CPT1C: variants seen among roughly 807,000 people sequenced by gnomAD.
CPT1C encodes the protein carnitine palmitoyltransferase 1C.
CPT1C carries 61 observed loss-of-function variants against 97.3 expected under a neutral mutation model. That is an observed-to-expected ratio of 0.63 (90% CI 0.51 to 0.78). CPT1C has a LOEUF of 0.78. Among genes scored for constraint, CPT1C ranks in the 30% least tolerant of loss-of-function variants. The probability of loss-of-function intolerance (pLI) is 0.00; values close to 1 mark genes in which losing one functional copy is unlikely to be tolerated. For missense variants in CPT1C, 975 were observed against 1,065.5 expected (o/e 0.92, Z 1.18); for synonymous variants, 469 against 447.2 (o/e 1.05, Z -0.61).
chr19:49,700,936 C>A, intron 5 of CPT1C, 81 bp downstream of exon 5: 1 of 1,437,886 alleles, frequency 7.0e-7, no homozygotes, highest in Non-Finnish European at 9.6e-7. Context: ...CTGTCCCCCT[C>A]TCTCTGGGTC....
In CPT1C at chr19:49,701,304, T is replaced by G; in HGVS notation, c.454-13T>G. ...GGTGAGGGGTTAATGACCCGGTAAC[T>G]CCTCCTCCCCAGGCCCTGGTCCGCA... On this transcript the variant is annotated splice_polypyrimidine_tract_variant and intron_variant, in intron 5 of 19. Coordinates refer to ENST00000598293, the MANE Select transcript of CPT1C (RefSeq NM_001199753.2). 6.2e-7 allele frequency: 1 copy of G among 1,607,144 alleles called. No individual in the cohort carries two copies. Among genetic ancestry groups the G allele is most frequent in the Non-Finnish European group, 8.5e-7 (1 of 1,177,006 alleles).
At chr19:49,712,586 T>TAGGGCGTGGTCAGGAGA in intron 17 of CPT1C, 150 bp from the exon 18 acceptor site, 1 of 628,972 alleles carries the variant, frequency 1.6e-6, no homozygotes, top group East Asian at 2.8e-5. Flanking sequence ...CGTGGCCAGA[T>TAGGGCGTGGTCAGGAGA]AGGGCGTGGT....
intron 4 of CPT1C, among the ~76,000 whole-genome samples, chr19:49,699,137 G>C (rs1478877996): frequency 6.6e-6 from 1 of 151,878 alleles, no homozygotes; most frequent in African/African-American, 2.4e-5. Flanking sequence ...CTGTCATATA[G>C]TCAGTAGAGT....
intron 16 of CPT1C, 190 bp downstream of exon 16, chr19:49,711,047 C>T (rs974065458): frequency 1.9e-6 from 1 of 535,520 alleles, no homozygotes; most frequent in African/African-American, 1.9e-5. Context: ...GTGATATCTG[C>T]TTTCATGGTG....
At chr19:49,699,089 A>G (rs1279576672) in intron 4 of CPT1C, among the ~76,000 whole-genome samples, 2 of 151,970 alleles carry the variant, frequency 1.3e-5, no homozygotes, top group African/African-American at 4.8e-5. Context: ...GGCGACAGAG[A>G]GAGACTCCGT....
At chr19:49,711,983 TAG>T (rs760529654) in intron 17 of CPT1C, 22 bp downstream of exon 17, 2 of 1,608,648 alleles carry the variant, frequency 1.2e-6, no homozygotes, top group Non-Finnish European at 1.7e-6. Context: ...GGGAAAGGGT[TAG>T]AGAGGGAAGT....
chr19:49,708,062 G>A (rs1217897695), intron 13 of CPT1C, among the ~76,000 whole-genome samples: 1 of 151,328 alleles, frequency 6.6e-6, no homozygotes, highest in South Asian at 2.1e-4. Context: ...AGAGGCAGAG[G>A]CTGGCCCAGG....
intron 3 of CPT1C, among the ~76,000 whole-genome samples, chr19:49,695,154 CAT>C (rs1222403831): frequency 1.3e-5 from 2 of 151,920 alleles, no homozygotes; most frequent in Admixed American, 6.6e-5. Context: ...AAAAAACAAA[CAT>C]GTGGCCATCC....
rs1568547326 is a variant in CPT1C, at chr19:49,712,772, ATCCCT to A, written c.2057_2061del (p.Ile686SerfsTer8). 3 of 1,613,936 alleles carry A rather than the reference ATCCCT, an allele frequency of 1.9e-6. No individual in the cohort carries two copies. Among genetic ancestry groups the A allele is most frequent in the Non-Finnish European group, 2.5e-6 (3 of 1,179,986 alleles). On this transcript the variant is annotated frameshift_variant, in exon 18 of 20. Transcript: ENST00000598293. LOFTEE classifies it high-confidence loss of function. ...GCAGTGGCAGCTGTCCACCAGCCAGATCCCTGTTCAGCAAATGCATCTGTTTGACG... is the reference window on the plus strand; with the variant it reads ...GCAGTGGCAGCTGTCCACCAGCCAGAGTTCAGCAAATGCATCTGTTTGACG...
In CPT1C at chr19:49,705,013, C is replaced by A; in HGVS notation, c.778C>A (p.Leu260Met). 6.3e-7 allele frequency: 1 copy of A among 1,595,516 alleles called. No homozygotes were observed. Among genetic ancestry groups the A allele is most frequent in the Non-Finnish European group, 8.6e-7 (1 of 1,167,644 alleles). ...CCCCTCTCCTGGTCCCCAGGACTTC[C>A]TGTATGTCACACCCACGCCTCTGCA... ...VNSNYYMMDF[L>M]YVTPTPLQAA... Residue 260 changes from leucine to methionine, a missense_variant, in exon 9 of 20, where the codon CTG becomes ATG. By Grantham distance (15) the Leu-to-Met change is conservative (BLOSUM62 2). Transcript: ENST00000598293.
chr19:49,711,396 T>C (rs10407097), intron 16 of CPT1C: 46,669 of 170,322 alleles, frequency 0.27, 8,765 homozygotes, highest in African/African-American at 0.53. Context: ...CGTGAGCCAA[T>C]GCACCTGGCT....
Position 49,706,174 on chromosome 19 carries a change from G to T in CPT1C, c.1161-57G>T, listed in dbSNP as rs2083487943. The T allele has an allele frequency of 6.5e-7, 1 of 1,549,398 alleles. No individual in the cohort carries two copies. Among genetic ancestry groups the T allele is most frequent in the East Asian group, 2.3e-5 (1 of 43,888 alleles). On this transcript the variant is annotated intron_variant, in intron 11 of 19. Coordinates refer to ENST00000598293, the MANE Select transcript of CPT1C (RefSeq NM_001199753.2). This position sits in a 1 kb window ranked among gnomAD's most constrained non-coding sequence, Gnocchi z 4.8. ...GTGTCCTGAGACTGTGGAAGGGCAG[G>T]GTGGGGCCAGGTGGCGGCTGGGCAG...
chr19:49,706,810 C>A lies in CPT1C; in HGVS notation c.1343+397C>A, dbSNP rs1413603456. On this transcript the variant is annotated intron_variant, in intron 12 of 19. Transcript: ENST00000598293. This position sits in a 1 kb window ranked among gnomAD's most constrained non-coding sequence, Gnocchi z 4.8. ...GCCTCAGAACTTGAACCATTCAATCCTCAGGCCTTAATGCAGGCACCCCAA... is the reference window on the plus strand; with the variant it reads ...GCCTCAGAACTTGAACCATTCAATCATCAGGCCTTAATGCAGGCACCCCAA... Among the ~76,000 whole-genome samples, 4 of 152,102 alleles carry A rather than the reference C, an allele frequency of 2.6e-5. No homozygotes were observed. Among genetic ancestry groups the A allele is most frequent in the South Asian group, 2.1e-4 (1 of 4,820 alleles).
chr19:49,712,656 G>A, intron 17 of CPT1C, 80 bp from the exon 18 acceptor site: 1 of 1,060,964 alleles, frequency 9.4e-7, no homozygotes, highest in South Asian at 1.3e-5. Context: ...AAAAAAGCCA[G>A]GGATGCAGGG....
At chr19:49,710,556 A>C (rs2083800992) in intron 15 of CPT1C, 72 bp downstream of exon 15, 1 of 1,588,384 alleles carries the variant, frequency 6.3e-7, no homozygotes, top group Non-Finnish European at 8.6e-7. Flanking sequence ...CTGCCCCTCC[A>C]CGGTTCCTTG....
chr19:49,697,716 A>G, intron 4 of CPT1C: 1 of 371,178 alleles, frequency 2.7e-6, no homozygotes, highest in Non-Finnish European at 4.9e-6. Context: ...GTTCGAGACC[A>G]GCCTGGCCAA....
rs2083313638 is a variant in CPT1C, at chr19:49,703,537, CCCCT to C, written c.694-1164_694-1161del. On this transcript the variant is annotated intron_variant, in intron 7 of 19. Transcript: ENST00000598293. ...TTCTTTCTCTATCTTTCTCTCTCTC[CCCCT>C]CCCTCCCTTTCTGTCTCTCTCTCCT... Among the ~76,000 whole-genome samples, 3 of 125,536 alleles carry C rather than the reference CCCCT, an allele frequency of 2.4e-5. No homozygotes were observed. In the South Asian group the frequency reaches 8.5e-4, roughly 35 times the overall value. The allele number at this position is 125,536 out of a possible 152,430, so 82.4% of individuals were successfully genotyped here.
In CPT1C at chr19:49,691,315, G is replaced by C. The variant is rs1258622702; in HGVS notation, c.-109G>C. On this transcript the variant is annotated 5_prime_UTR_variant, in exon 1 of 20. Transcript: ENST00000598293. ...GACTCGGGTTTGGACCCCAGGATCC[G>C]ATCAGCGGACCCTTGATTCAACGTG... 2 of 152,172 alleles carry C rather than the reference G, an allele frequency of 1.3e-5. No homozygotes were observed. The highest frequency in any genetic ancestry group is 2.9e-5 in the Non-Finnish European group (2 of 68,092). 9.4% of individuals were successfully genotyped at this position (152,172 alleles called of 1,614,324 possible). A position where few individuals can be genotyped will look rare whatever the true frequency, so the allele number is the denominator to read the frequency against.
rs149279870 is a variant in CPT1C, at chr19:49,697,340, C to A, written c.156C>A (p.Thr52=). The A allele has an allele frequency of 1.9e-6, 3 of 1,614,098 alleles. No homozygotes were observed. The highest frequency in any genetic ancestry group is 1.7e-5 in the Admixed American group (1 of 60,000). ...HLSRFWNDFL[T]GVFPASPLSW... ...CCTCCCCACAGAATGACTTTCTCAC[C>A]GGTGTGTTTCCTGCCAGCCCCCTCA... The change falls in exon 4 of 20, where the codon ACC becomes ACA. Residue 52 remains threonine (T), a synonymous_variant. Transcript: ENST00000598293.
Sources: gnomAD v4.1 joint callset for allele counts (sites outside exome capture counted in the v4.1 genomes callset) on GRCh38, gnomAD v4.1.1 for gene constraint, Gnocchi (gnomAD v3.1) non-coding constraint, MANE v1.5 for transcripts, NCBI Gene and HGNC (gene_info 2026-07-23, HGNC 2026-07-21) for gene names.